PKIA: variants seen among roughly 807,000 people sequenced by gnomAD.
PKIA encodes PKI-alpha.
In PKIA, 4 loss-of-function variants were observed where a neutral mutation model predicts 7.6. The ratio of observed to expected loss-of-function variants is 0.52; its 90% CI spans 0.26 to 1.20. The LOEUF (loss-of-function observed/expected upper bound fraction) is 1.20. PKIA is among the 50% of genes most tolerant of loss of function. The pLI is 0.13. For missense variants in PKIA, 73 were observed against 86.2 expected, an observed-to-expected ratio of 0.85 and a Z score of 0.61; for synonymous variants, 21 against 30.7, an observed-to-expected ratio of 0.68 and a Z score of 1.04.
At chr8:78,596,672 T>C (rs554108786) in intron 2 of PKIA, among the ~76,000 whole-genome samples, 3 of 152,360 alleles carry the variant, frequency 2.0e-5, no homozygotes, top group African/African-American at 7.2e-5. Flanking sequence ...TTTAGTTTAA[T>C]TATGTCCCAT....
At chr8:78,557,613 AGGGG>A (rs2118499400) in intron 1 of PKIA, among the ~76,000 whole-genome samples, 1 of 152,312 alleles carries the variant, frequency 6.6e-6, no homozygotes, top group South Asian at 2.1e-4. Flanking sequence ...GTCAGCTGCT[AGGGG>A]AGTTTATTTA....
chr8:78,572,496 C>T (rs1807572947), intron 1 of PKIA, among the ~76,000 whole-genome samples: 1 of 148,894 alleles, frequency 6.7e-6, no homozygotes, highest in South Asian at 2.1e-4. Flanking sequence ...GACTAGTAGT[C>T]AACAGATTTC....
At chr8:78,589,217 G>T (rs1370495483) in intron 2 of PKIA, among the ~76,000 whole-genome samples, 1 of 151,936 alleles carries the variant, frequency 6.6e-6, no homozygotes, top group East Asian at 1.9e-4. Context: ...AAAGTTATTA[G>T]GTAAGATTTG....
At chr8:78,573,464 A>T (rs1458001940) in intron 2 of PKIA, among the ~76,000 whole-genome samples, 1 of 151,978 alleles carries the variant, frequency 6.6e-6, no homozygotes, top group South Asian at 2.1e-4. Context: ...AGCATGTGAA[A>T]GGGGAGCTCT....
chr8:78,560,341 T>C (rs938737812), intron 1 of PKIA, among the ~76,000 whole-genome samples: 4 of 152,192 alleles, frequency 2.6e-5, no homozygotes, highest in African/African-American at 9.6e-5. Flanking sequence ...AACTCTAAGC[T>C]TTTTCCCCAC....
At chr8:78,552,899 G>A (rs1220399957) in intron 1 of PKIA, among the ~76,000 whole-genome samples, 2 of 151,770 alleles carry the variant, frequency 1.3e-5, no homozygotes, top group Non-Finnish European at 2.9e-5. Context: ...CTTCAACATT[G>A]TAGAGATACA....
At chr8:78,582,114 T>C (rs550229077) in intron 2 of PKIA, among the ~76,000 whole-genome samples, 4 of 151,954 alleles carry the variant, frequency 2.6e-5, no homozygotes, top group African/African-American at 7.2e-5. Context: ...GTAGTGGGCT[T>C]CTAGCCTAGT....
chr8:78,522,735 C>T (rs1308317614), intron 1 of PKIA, among the ~76,000 whole-genome samples: 2 of 151,822 alleles, frequency 1.3e-5, no homozygotes, highest in Non-Finnish European at 2.9e-5. Context: ...ATAGTAGAAA[C>T]ATCTCTAGCT....
At chr8:78,547,274 T>A (rs1806848096) in intron 1 of PKIA, among the ~76,000 whole-genome samples, 1 of 151,998 alleles carries the variant, frequency 6.6e-6, no homozygotes, top group African/African-American at 2.4e-5. Flanking sequence ...CCGGCTAATT[T>A]TTGTTTTTTT....
At chr8:78,533,112 T>C (rs1210999475) in intron 1 of PKIA, among the ~76,000 whole-genome samples, 1 of 152,082 alleles carries the variant, frequency 6.6e-6, no homozygotes, top group Non-Finnish European at 1.5e-5. Flanking sequence ...CTTTTGCCTG[T>C]TGGTCCTTGC....
At chr8:78,575,379 T>A (rs1807648450) in intron 2 of PKIA, among the ~76,000 whole-genome samples, 2 of 151,942 alleles carry the variant, frequency 1.3e-5, no homozygotes, top group Admixed American at 6.6e-5. Context: ...AAAATTGGCA[T>A]CATACTTTCT....
intron 1 of PKIA, among the ~76,000 whole-genome samples, chr8:78,571,954 A>G (rs1218803702): frequency 1.3e-5 from 2 of 152,144 alleles, no homozygotes; most frequent in Admixed American, 6.6e-5. Flanking sequence ...AGAATGGCCA[A>G]TAAGTGGAGG....
At chr8:78,551,436 A>G (rs1259035317) in intron 1 of PKIA, among the ~76,000 whole-genome samples, 1 of 152,074 alleles carries the variant, frequency 6.6e-6, no homozygotes, top group African/African-American at 2.4e-5. Flanking sequence ...GTAGCCATAT[A>G]GCTACACTCA....
intron 1 of PKIA, among the ~76,000 whole-genome samples, chr8:78,521,935 C>A (rs1008572293): frequency 6.6e-5 from 10 of 151,952 alleles, no homozygotes; most frequent in Non-Finnish European, 1.3e-4. Context: ...CTAGGTACCT[C>A]ATAAGTGGAA....
intron 2 of PKIA, among the ~76,000 whole-genome samples, chr8:78,597,836 A>G (rs1400259172): frequency 2.0e-5 from 3 of 152,026 alleles, no homozygotes; most frequent in Non-Finnish European, 4.4e-5. Context: ...GAGCCTAAAT[A>G]TGTACTATCA....
chr8:78,577,935 T>C (rs1807714121), intron 2 of PKIA, among the ~76,000 whole-genome samples: 1 of 152,026 alleles, frequency 6.6e-6, no homozygotes, highest in Non-Finnish European at 1.5e-5. Context: ...AATGTATCTC[T>C]TACTTTTTCC....
chr8:78,565,601 C>T (rs1281055935), intron 1 of PKIA, among the ~76,000 whole-genome samples: 1 of 151,944 alleles, frequency 6.6e-6, no homozygotes, highest in South Asian at 2.1e-4. Flanking sequence ...GGATACCTGG[C>T]AGTGCTCTTG....
chr8:78,546,796 G>T (rs988118461), intron 1 of PKIA, among the ~76,000 whole-genome samples: 1 of 152,112 alleles, frequency 6.6e-6, no homozygotes, highest in Non-Finnish European at 1.5e-5. Flanking sequence ...TTTTTCACCA[G>T]CTACTGAAGA....
At chr8:78,534,156 A>G (rs1369475505) in intron 1 of PKIA, 8 of 152,098 alleles carry the variant, frequency 5.3e-5, no homozygotes, top group African/African-American at 1.9e-4. Flanking sequence ...GTGTTTTCAA[A>G]ATTAGGTTAT....
Sources: allele counts gnomAD v4.1 joint callset (sites outside exome capture counted in the v4.1 genomes callset), GRCh38; gene constraint gnomAD v4.1.1; transcripts MANE v1.5; gene names NCBI Gene and HGNC (gene_info 2026-07-23, HGNC 2026-07-21).